The following PLEKHG5 variants were observed in gnomAD, a reference collection of about 807,000 sequenced individuals.
PLEKHG5 encodes pleckstrin homology and RhoGEF domain containing G5.
PLEKHG5 carries 52 observed loss-of-function variants against 103.8 expected under a neutral mutation model. The observed-to-expected ratio is 0.50, with a 90% CI of 0.40 to 0.63. The LOEUF (loss-of-function observed/expected upper bound fraction) is 0.63, where lower values mean the gene tolerates loss of function less well. PLEKHG5 is among the 30% of genes least tolerant of loss of function. The pLI is 0.00. For synonymous variants in PLEKHG5, 592 were observed against 575.5 expected, an observed-to-expected ratio of 1.03 and a Z score of -0.41; for missense variants, 1,205 against 1,347.6, an observed-to-expected ratio of 0.89 and a Z score of 1.66.
At chr1:6,497,889 T>C (rs1018755235), upstream of PLEKHG5, among the ~76,000 whole-genome samples, 11 of 152,174 alleles carry the variant, frequency 7.2e-5, no homozygotes, top group Admixed American at 2.6e-4. This position sits in a 1 kb window ranked among gnomAD's most constrained non-coding sequence, Gnocchi z 6.1. Context: ...AGTGCACCTG[T>C]CCTGTGAGCA....
intron 12 of PLEKHG5, 80 bp from the exon 13 acceptor site, chr1:6,471,180 G>T: frequency 2.6e-6 from 3 of 1,174,476 alleles, no homozygotes; most frequent in Non-Finnish European, 3.7e-6. Context: ...CTGCGCAAGC[G>T]CTTCCTTACT....
chr1:6,485,410 C>A, intron 1 of PLEKHG5: 2 of 1,356,036 alleles, frequency 1.5e-6, no homozygotes, highest in Non-Finnish European at 1.9e-6. Context: ...CTGGAGGCTG[C>A]TAGGCGTCCG....
chr1:6,497,313 C>T, upstream of PLEKHG5: 2 of 1,141,836 alleles, frequency 1.8e-6, no homozygotes, highest in Non-Finnish European at 1.2e-6. This position sits in a 1 kb window ranked among gnomAD's most constrained non-coding sequence, Gnocchi z 6.1. Context: ...TCCCCGCCTG[C>T]ACTCACCCAT....
intron 1 of PLEKHG5, among the ~76,000 whole-genome samples, chr1:6,480,876 A>C (rs1214710855): frequency 1.3e-5 from 2 of 152,046 alleles, no homozygotes; most frequent in Non-Finnish European, 2.9e-5. Flanking sequence ...CCTGGGCTCA[A>C]CTGATCCGCC....
At chr1:6,506,574 C>T (rs182194967) in intron 1 of PLEKHG5, among the ~76,000 whole-genome samples, 115 of 152,330 alleles carry the variant, frequency 7.5e-4, no homozygotes, top group Admixed American at 1.6e-3. Context: ...GCTCCCCACC[C>T]CTGACCTGTG....
upstream of PLEKHG5, chr1:6,497,332 C>A (rs1557766359): frequency 5.0e-6 from 5 of 992,168 alleles, no homozygotes; most frequent in Non-Finnish European, 3.9e-6. The surrounding 1 kb of genome is among the most constrained non-coding windows in gnomAD (Gnocchi z 6.1). Context: ...ATGGAGCAGG[C>A]CCCGTGCCGC....
At chr1:6,519,394 CTG>C (rs756093301) in intron 1 of PLEKHG5, 3 of 1,406,358 alleles carry the variant, frequency 2.1e-6, no homozygotes, top group Non-Finnish European at 3.0e-6. Flanking sequence ...TCCTTTCACT[CTG>C]TGTCCTCAAA....
chr1:6,474,395 T>C, intron 6 of PLEKHG5, 56 bp downstream of exon 6: 2 of 1,602,582 alleles, frequency 1.2e-6, no homozygotes, highest in East Asian at 2.2e-5. Context: ...AGGGCGCCCA[T>C]CTCCAGGAGG....
intron 19 of PLEKHG5, 51 bp from the exon 20 acceptor site, chr1:6,468,637 G>A (rs1557736089): frequency 6.2e-7 from 1 of 1,604,690 alleles, no homozygotes; most frequent in Non-Finnish European, 8.5e-7. Context: ...TAGATGGCCT[G>A]AGGCAGCCCC....
chr1:6,499,751 A>G (rs1569984152), upstream of PLEKHG5, among the ~76,000 whole-genome samples: 2 of 152,266 alleles, frequency 1.3e-5, no homozygotes, highest in African/African-American at 4.8e-5. Context: ...ATACTGTATC[A>G]GGTGATAGCG....
exon 1 of PLEKHG5, chr1:6,519,456 C>T (rs764820652): frequency 8.7e-6 from 14 of 1,613,390 alleles, no homozygotes; most frequent in Non-Finnish European, 1.2e-5. Context: ...GGTTCCTGAA[C>T]AAAGGCTGAG....
intron 1 of PLEKHG5, among the ~76,000 whole-genome samples, chr1:6,479,749 T>C (rs918470926): frequency 6.6e-6 from 1 of 152,152 alleles, no homozygotes; most frequent in Non-Finnish European, 1.5e-5. Context: ...TAGCTGGGAA[T>C]ACTAGGTGCA....
At position 6,473,103 on chromosome 1, in the gene PLEKHG5, G is replaced by A; in HGVS notation, c.867C>T (p.Pro289=). 4.3e-6 allele frequency: 7 copies of A among 1,613,904 alleles called. No homozygotes were observed. Among genetic ancestry groups the A allele is most frequent in the Non-Finnish European group, 5.9e-6 (7 of 1,179,892 alleles). Reference sequence around the variant, plus strand: ...AGTCATGGTCGAAGCGCAGCCCCCGGGGCAGCCTGGGCAGCCCGAAGAGGC... The same window carrying A: ...AGTCATGGTCGAAGCGCAGCCCCCGAGGCAGCCTGGGCAGCCCGAAGAGGC... The part of the protein sequence containing the change: ...TYSLFGLPRL[P]RGLRFDHDSW... Residue 289 remains proline (P), a synonymous_variant, in exon 9 of 21, where the codon CCC becomes CCT. Coordinates refer to ENST00000377728, the MANE Select transcript of PLEKHG5 (RefSeq NM_020631.6).
chr1:6,513,608 C>T (rs972907798), intron 1 of PLEKHG5, among the ~76,000 whole-genome samples: 4 of 152,356 alleles, frequency 2.6e-5, no homozygotes, highest in African/African-American at 9.6e-5. Flanking sequence ...GCCAGACAAA[C>T]TGAGAGACTG....
intron 12 of PLEKHG5, 34 bp from the exon 13 acceptor site, chr1:6,471,134 ACCGCGCGCTCCCTGCGGGCCGGCCCGCG>A: frequency 6.6e-7 from 1 of 1,511,202 alleles, no homozygotes; most frequent in Non-Finnish European, 9.0e-7. Flanking sequence ...GGCGCCGGTT[ACCGCGCGCTCCCTGCGGGCCGGCCCGCG>A]CCAGGCGCTG....
Position 6,467,413 on chromosome 1 carries a change from G to T in PLEKHG5, c.*150C>A. On this transcript the variant is annotated 3_prime_UTR_variant, in exon 21 of 21. Transcript: ENST00000377728. ...TCCACTCCATCCAGTCCGGCAAAGCGCAAATCGGGCCCGGGCGTAGGCAGG... is the reference window on the plus strand; with the variant it reads ...TCCACTCCATCCAGTCCGGCAAAGCTCAAATCGGGCCCGGGCGTAGGCAGG... 1.2e-6 allele frequency: 1 copy of T among 862,972 alleles called. No homozygotes were observed. The highest frequency in any genetic ancestry group is 2.0e-6 in the Non-Finnish European group (1 of 505,370). 53.5% of individuals were successfully genotyped at this position (862,972 alleles called of 1,614,324 possible).
chr1:6,468,026 C>G lies in PLEKHG5; in HGVS notation c.2810G>C (p.Ser937Thr). The G allele has an allele frequency of 6.4e-7, 1 of 1,553,856 alleles. No homozygotes were observed. ...WDCRGAPSPG[S>T]GPGLVGCLAG... ...CAGGCAGCCGACTAGCCCAGGACCGCTGCCAGGGCTAGGGGCCCCTCGGCA... is the reference window on the plus strand; with the variant it reads ...CAGGCAGCCGACTAGCCCAGGACCGGTGCCAGGGCTAGGGGCCCCTCGGCA... The change falls in exon 20 of 21, where the codon AGC becomes ACC. Residue 937 changes from serine (S) to threonine (T), a missense_variant. Coordinates refer to ENST00000377728, the MANE Select transcript of PLEKHG5 (RefSeq NM_020631.6).
Position 6,519,131 on chromosome 1 carries a change from T to C in PLEKHG5, c.-165+314A>G, listed in dbSNP as rs573895027. 6.6e-5 allele frequency among the ~76,000 whole-genome samples: 10 copies of C among 152,350 alleles called. No individual in the cohort carries two copies. In the South Asian group the frequency reaches 2.1e-3, roughly 32 times the overall value. On this transcript the variant is annotated intron_variant, in intron 1 of 21. Coordinates refer to the PLEKHG5 transcript ENST00000377740. ...TGCTGGGATTACAGGCGTGAGCCAC[T>C]GCGCCCAGCAACCCTTCGGCATATG...
chr1:6,483,705 T>G (rs1644955798), intron 1 of PLEKHG5, among the ~76,000 whole-genome samples: 1 of 152,198 alleles, frequency 6.6e-6, no homozygotes, highest in African/African-American at 2.4e-5. Context: ...TAAGCTGTCC[T>G]CAGCCAGGGC....
Sources: allele counts gnomAD v4.1 joint callset (sites outside exome capture counted in the v4.1 genomes callset), GRCh38; gene constraint gnomAD v4.1.1; non-coding constraint Gnocchi (gnomAD v3.1); transcripts MANE v1.5; gene names NCBI Gene and HGNC (gene_info 2026-07-23, HGNC 2026-07-21).